Variants in DOP1A observed in about 807,000 individuals in gnomAD.
The protein encoded by DOP1A is protein DOP1A.
A neutral mutation model predicts 267.6 loss-of-function variants in DOP1A; 90 were observed. The ratio of observed to expected loss-of-function variants is 0.34; its 90% CI spans 0.28 to 0.40. DOP1A has a LOEUF of 0.40. DOP1A is among the 10% of genes least tolerant of loss of function. DOP1A has a pLI of 1.00. For synonymous variants in DOP1A, 932 were observed against 999.1 expected (o/e 0.93, Z 1.27); for missense variants, 2,437 against 2,900.4 (o/e 0.84, Z 3.67).
chr6:83,083,544 A>G (rs1442249425), intron 1 of DOP1A, among the ~76,000 whole-genome samples: 1 of 152,096 alleles, frequency 6.6e-6, no homozygotes, highest in African/African-American at 2.4e-5. Flanking sequence ...ATTGCCTTAT[A>G]TGAACATGGA....
intron 1 of DOP1A, among the ~76,000 whole-genome samples, chr6:83,079,999 T>C (rs1767808925): frequency 6.6e-6 from 1 of 152,148 alleles, no homozygotes; most frequent in Non-Finnish European, 1.5e-5. Flanking sequence ...AAATAAGCCA[T>C]GTTTTCTTTC....
chr6:83,087,040 A>T (rs1379450731), intron 1 of DOP1A, among the ~76,000 whole-genome samples: 1 of 152,146 alleles, frequency 6.6e-6, no homozygotes, highest in Non-Finnish European at 1.5e-5. Flanking sequence ...GCAAGAGGAG[A>T]CCAGATTCAG....
chr6:83,143,335 G>A (rs1397482639), intron 24 of DOP1A, among the ~76,000 whole-genome samples: 1 of 152,154 alleles, frequency 6.6e-6, no homozygotes, highest in East Asian at 1.9e-4. Context: ...TATTACAGCT[G>A]ATAATATGTA....
intron 5 of DOP1A, among the ~76,000 whole-genome samples, chr6:83,109,677 A>G (rs1456748920): frequency 2.0e-5 from 3 of 152,170 alleles, no homozygotes; most frequent in Non-Finnish European, 4.4e-5. Context: ...TTTGGACCCT[A>G]TTATTATTTT....
In DOP1A at chr6:83,132,333, A is replaced by ATCC; in HGVS notation, c.2769+8_2769+10dup. On this transcript the variant is annotated splice_donor_region_variant and intron_variant, in intron 18 of 38. Coordinates refer to ENST00000349129, the MANE Select transcript of DOP1A (RefSeq NM_015018.4). ...CAGTTAACCCATAAAGATAAGGTAA[A>ATCC]TCCTCTTATCTTGTGCACACCGCCC... The ATCC allele has an allele frequency of 6.4e-7, 1 of 1,566,922 alleles. No individual in the cohort carries two copies. Among genetic ancestry groups the ATCC allele is most frequent in the Non-Finnish European group, 8.6e-7 (1 of 1,157,374 alleles).
rs538625447 is a variant in DOP1A at position 83,138,749 on chromosome 6, G to T, written c.4707G>T (p.Glu1569Asp). 1.9e-6 allele frequency: 3 copies of T among 1,614,018 alleles called. No homozygotes were observed. In the East Asian group the frequency reaches 6.7e-5, roughly 36 times the overall value. ...AGGACAGCCTTATTAATTTCTCAGA[G>T]GATGAATTTGACAATGGCAGCACGT... The part of the protein sequence containing the change: ...FSEDSLINFS[E>D]DEFDNGSTLQ... The change falls in exon 21 of 39, where the codon GAG becomes GAT. Residue 1569 changes from glutamate to aspartate, a missense_variant. By Grantham distance (45) the Glu-to-Asp change is conservative. Around this residue, in one of 9 missense-constraint regions of DOP1A, gnomAD observed 878 missense variants for 992.9 expected, o/e 0.88. Coordinates refer to ENST00000349129, the MANE Select transcript of DOP1A (RefSeq NM_015018.4).
rs113362312 is a variant in DOP1A at position 83,120,807 on chromosome 6, C to T, written c.1099+16C>T. ...CCTGAGCTAGGTAATGTATACTGTC[C>T]TAGGGCATAAGGTCATGTGTGGTAC... is the stretch of plus-strand genomic sequence containing the variant. On this transcript the variant is annotated intron_variant, in intron 10 of 38. Transcript: ENST00000349129. 0.022 allele frequency: 32,131 copies of T among 1,476,038 alleles called. 420 individuals are homozygous for T. The highest frequency in any genetic ancestry group is 0.026 in the Non-Finnish European group (28,734 of 1,086,484). 91.4% of individuals were successfully genotyped at this position (1,476,038 alleles called of 1,614,324 possible).
intron 1 of DOP1A, among the ~76,000 whole-genome samples, chr6:83,078,949 A>G (rs999687209): frequency 6.6e-6 from 1 of 152,226 alleles, no homozygotes; most frequent in Non-Finnish European, 1.5e-5. Flanking sequence ...ACCTTAAAAC[A>G]TGAGAGGGGA....
chr6:83,077,367 A>G (rs1331103600), intron 1 of DOP1A, among the ~76,000 whole-genome samples: 4 of 152,098 alleles, frequency 2.6e-5, no homozygotes, highest in African/African-American at 9.7e-5. Context: ...TGCTTTAAAA[A>G]CAATTTAAAA....
intron 1 of DOP1A, 73 bp from the exon 2 acceptor site, chr6:83,096,658 A>G: frequency 2.4e-6 from 1 of 411,088 alleles, no homozygotes; most frequent in Non-Finnish European, 4.3e-6. Context: ...ATGATTCTAA[A>G]TTGAAATAAG....
At chr6:83,070,357 T>G (rs146031772) in intron 1 of DOP1A, among the ~76,000 whole-genome samples, 2 of 152,324 alleles carry the variant, frequency 1.3e-5, no homozygotes, top group African/African-American at 4.8e-5. Context: ...TCCTTTATTG[T>G]ATTTACTTCC....
intron 1 of DOP1A, among the ~76,000 whole-genome samples, chr6:83,092,559 C>CG (rs1159267962): frequency 2.9e-5 from 3 of 103,340 alleles, no homozygotes; most frequent in Non-Finnish European, 5.8e-5. Flanking sequence ...GTGTCCCTCC[C>CG]CCCCCCCCCA....
chr6:83,127,675 G>T (rs1777412918), intron 15 of DOP1A, among the ~76,000 whole-genome samples: 1 of 152,196 alleles, frequency 6.6e-6, no homozygotes, highest in African/African-American at 2.4e-5. Context: ...GTGATAACTT[G>T]TGCCAACAAG....
At chr6:83,161,657 C>T (rs1286958859) in intron 37 of DOP1A, among the ~76,000 whole-genome samples, 1 of 152,102 alleles carries the variant, frequency 6.6e-6, no homozygotes, top group African/African-American at 2.4e-5. Context: ...TTATAGATAA[C>T]CATCAGAATG....
rs751280748 is a variant in DOP1A, at chr6:83,153,882, T to C, written c.6240-12T>C. The C allele has an allele frequency of 6.3e-7, 1 of 1,594,818 alleles. No individual in the cohort carries two copies. Among genetic ancestry groups the C allele is most frequent in the South Asian group, 1.1e-5 (1 of 87,028 alleles). ...AGGACACGTAGGTTAAGGTGGTTTTTCTTCCTTGTAGTGCACATAATGCCC... is the reference window on the plus strand; with the variant it reads ...AGGACACGTAGGTTAAGGTGGTTTTCCTTCCTTGTAGTGCACATAATGCCC... On this transcript the variant is annotated splice_polypyrimidine_tract_variant and intron_variant, in intron 31 of 38. Coordinates refer to ENST00000349129, the MANE Select transcript of DOP1A (RefSeq NM_015018.4).
At chr6:83,137,109 T>C (rs1018164854) in intron 20 of DOP1A, 64 bp from the exon 21 acceptor site, 2 of 1,406,962 alleles carry the variant, frequency 1.4e-6, no homozygotes, top group African/African-American at 2.9e-5. Flanking sequence ...TCTACATTTC[T>C]ACATTTCAAT....
intron 35 of DOP1A, 84 bp downstream of exon 35, chr6:83,157,402 A>C: frequency 7.1e-7 from 1 of 1,414,172 alleles, no homozygotes; most frequent in Non-Finnish European, 9.9e-7. Flanking sequence ...GATATTAACG[A>C]ATATTGGGAG....
chr6:83,106,547 C>T (rs574698969), intron 4 of DOP1A, among the ~76,000 whole-genome samples: 95 of 152,146 alleles, frequency 6.2e-4, no homozygotes, highest in African/African-American at 1.9e-3. Context: ...CAGTGGCTCA[C>T]GCCTGTAATC....
intron 15 of DOP1A, among the ~76,000 whole-genome samples, chr6:83,126,353 T>C (rs1171615959): frequency 6.6e-6 from 1 of 151,998 alleles, no homozygotes; most frequent in African/African-American, 2.4e-5. Context: ...CCAGGACTTG[T>C]AGCTAGGCTT....
Sources: gnomAD v4.1 joint callset for allele counts (sites outside exome capture counted in the v4.1 genomes callset) on GRCh38, gnomAD v4.1.1 for gene constraint, gnomAD v4.1.1 regional missense constraint, MANE v1.5 for transcripts, NCBI Gene and HGNC (gene_info 2026-07-23, HGNC 2026-07-21) for gene names.